The following PPME1 variants were observed in gnomAD, a reference collection of about 807,000 sequenced individuals.
PPME1 encodes the protein protein phosphatase methylesterase 1, also known as testicular secretory protein Li 39.
Under a neutral mutation model 56.9 loss-of-function variants are expected in PPME1, and 17 were observed. The ratio of observed to expected loss-of-function variants is 0.30; its 90% CI spans 0.20 to 0.45. The LOEUF (loss-of-function observed/expected upper bound fraction) is 0.45. Among genes scored for constraint, PPME1 ranks in the 20% least tolerant of loss-of-function variants. The pLI is 1.00. For synonymous variants in PPME1, 122 were observed against 156.2 expected (o/e 0.78, Z 1.63); for missense variants, 357 against 483.2 (o/e 0.74, Z 2.45).
intron 2 of PPME1, 28 bp from the exon 3 acceptor site, chr11:74,204,325 T>A: frequency 1.3e-6 from 2 of 1,557,236 alleles, no homozygotes; most frequent in Non-Finnish European, 1.8e-6. Context: ...AGCAAAAACA[T>A]AGATGTTTTA....
rs567497764 is a variant in PPME1 at position 74,216,702 on chromosome 11, G to T, written c.289-5610G>T. ...GAAAAGATCAACAAAATAAAAAGTT[G>T]GTTTTTGAAACATGAAATTGGCAAA... On this transcript the variant is annotated intron_variant, in intron 3 of 13. Transcript: ENST00000328257. Among the ~76,000 whole-genome samples, 4 of 152,024 alleles carry T rather than the reference G, an allele frequency of 2.6e-5. No homozygotes were observed. The East Asian group carries it at 5.8e-4, about 22-fold the overall frequency.
chr11:74,188,832 T>A (rs1336649255), intron 1 of PPME1, among the ~76,000 whole-genome samples: 2 of 152,218 alleles, frequency 1.3e-5, no homozygotes, highest in African/African-American at 4.8e-5. Flanking sequence ...TTAAAGTCAC[T>A]TGGAATAATT....
chr11:74,184,827 G>A (rs1487825602), intron 1 of PPME1, among the ~76,000 whole-genome samples: 4 of 152,112 alleles, frequency 2.6e-5, no homozygotes, highest in African/African-American at 9.6e-5. Context: ...TGTTTCCCTA[G>A]TGCCTAGGAA....
chr11:74,193,236 T>C (rs1030627898), intron 1 of PPME1, among the ~76,000 whole-genome samples: 2 of 152,268 alleles, frequency 1.3e-5, no homozygotes, highest in African/African-American at 2.4e-5. Context: ...TCAGGAATGA[T>C]GGTGATGCCA....
In PPME1 at chr11:74,246,098, C is replaced by T. The variant is rs773611499; in HGVS notation, c.857C>T (p.Thr286Ile). 2.5e-6 allele frequency: 4 copies of T among 1,575,960 alleles called. No individual in the cohort carries two copies. The African/African-American group carries it at 4.1e-5, about 16-fold the overall frequency. ...CAGACCAAGAAAGACCATCCATACACCTGGAGAATTGAACTGGCAAAAACA... is the reference window on the plus strand; with the variant it reads ...CAGACCAAGAAAGACCATCCATACATCTGGAGAATTGAACTGGCAAAAACA... ...DMETKKDHPY[T>I]WRIELAKTEK... is the part of the protein sequence containing the mutation. Residue 286 changes from threonine (T) to isoleucine (I), a missense_variant, in exon 10 of 14, where the codon ACC (threonine) becomes ATC (isoleucine). Transcript: ENST00000328257.
At chr11:74,208,945 G>A (rs1489303143) in intron 3 of PPME1, among the ~76,000 whole-genome samples, 1 of 152,138 alleles carries the variant, frequency 6.6e-6, no homozygotes, top group Non-Finnish European at 1.5e-5. Flanking sequence ...ATAGAGTTGA[G>A]GTTGTAGTTG....
At chr11:74,246,934 T>C in intron 10 of PPME1, 145 bp from the exon 11 acceptor site, 1 of 696,444 alleles carries the variant, frequency 1.4e-6, no homozygotes, top group South Asian at 1.7e-5. Flanking sequence ...TGAAAAGTTT[T>C]ATCTGGTGGT....
chr11:74,174,933 T>G (rs975695530), intron 1 of PPME1, among the ~76,000 whole-genome samples: 1 of 152,184 alleles, frequency 6.6e-6, no homozygotes, highest in Non-Finnish European at 1.5e-5. Flanking sequence ...TACACTAATA[T>G]TTTCTCTTGG....
intron 1 of PPME1, among the ~76,000 whole-genome samples, chr11:74,190,221 C>G (rs559634527): frequency 1.6e-4 from 25 of 152,144 alleles, no homozygotes; most frequent in Non-Finnish European, 2.8e-4. Flanking sequence ...AATGTTTGTC[C>G]CCTCCAAATC....
chr11:74,193,224 A>C (rs1353208502), intron 1 of PPME1, among the ~76,000 whole-genome samples: 1 of 152,268 alleles, frequency 6.6e-6, no homozygotes, highest in Non-Finnish European at 1.5e-5. Context: ...GTGTAAGTTC[A>C]ATCAGGAATG....
chr11:74,194,579 AT>A (rs1857931429), intron 1 of PPME1, among the ~76,000 whole-genome samples: 2 of 151,196 alleles, frequency 1.3e-5, no homozygotes, highest in Admixed American at 6.6e-5. Context: ...TAATTATTTA[AT>A]AATTATACAC....
In PPME1 at chr11:74,171,539, C is replaced by A; in HGVS notation, c.101+17C>A. ...GCGAATGGGGTACGTGACCCATACC[C>A]CTTCTCCCTATGGGCCAGGCCCCAG... On this transcript the variant is annotated intron_variant, in intron 1 of 13. Coordinates refer to ENST00000328257, the MANE Select transcript of PPME1 (RefSeq NM_016147.3). The A allele has an allele frequency of 6.2e-7, 1 of 1,603,446 alleles. No individual in the cohort carries two copies. Among genetic ancestry groups the A allele is most frequent in the East Asian group, 2.2e-5 (1 of 44,574 alleles).
chr11:74,229,099 AGTT>A (rs1046815477), intron 5 of PPME1, among the ~76,000 whole-genome samples: 28 of 152,306 alleles, frequency 1.8e-4, no homozygotes, highest in Middle Eastern at 3.4e-3. Context: ...TCACTCCTGC[AGTT>A]GTTGTATGAG....
chr11:74,215,029 A>G (rs1858591403), intron 3 of PPME1, among the ~76,000 whole-genome samples: 1 of 152,206 alleles, frequency 6.6e-6, no homozygotes, highest in African/African-American at 2.4e-5. Context: ...CATAAACAGT[A>G]CAATAATATA....
intron 1 of PPME1, among the ~76,000 whole-genome samples, chr11:74,197,412 G>T (rs931093721): frequency 2.0e-5 from 3 of 152,080 alleles, no homozygotes; most frequent in Non-Finnish European, 4.4e-5. Context: ...GTGACTGGAG[G>T]ATAATAACAA....
At chr11:74,179,437 G>A (rs1857477012) in intron 1 of PPME1, among the ~76,000 whole-genome samples, 1 of 152,198 alleles carries the variant, frequency 6.6e-6, no homozygotes, top group Non-Finnish European at 1.5e-5. Flanking sequence ...TGAGGTTGCA[G>A]TGTGCTGTGA....
chr11:74,252,570 C>T (rs1859731045), intron 13 of PPME1: 2 of 454,180 alleles, frequency 4.4e-6, no homozygotes, highest in South Asian at 3.1e-5. Flanking sequence ...GGGTTTTCAA[C>T]CTCAGCTTTA....
intron 7 of PPME1, among the ~76,000 whole-genome samples, 174 bp downstream of exon 7, chr11:74,231,176 G>C (rs1468631369): frequency 6.6e-6 from 1 of 152,126 alleles, no homozygotes; most frequent in Non-Finnish European, 1.5e-5. Context: ...TCCCACCTCA[G>C]CCTCCCAAGT....
chr11:74,174,552 A>G (rs1223613548), intron 1 of PPME1, among the ~76,000 whole-genome samples: 2 of 152,172 alleles, frequency 1.3e-5, no homozygotes, highest in African/African-American at 4.8e-5. Flanking sequence ...GCTTACTCTT[A>G]ACTATTTTTC....
Sources: gnomAD v4.1 joint callset for allele counts (sites outside exome capture counted in the v4.1 genomes callset) on GRCh38, gnomAD v4.1.1 for gene constraint, MANE v1.5 for transcripts, NCBI Gene and HGNC (gene_info 2026-07-23, HGNC 2026-07-21) for gene names.